RNF216: variants seen among roughly 807,000 people sequenced by gnomAD.
RNF216 encodes E3 ubiquitin-protein ligase RNF216.
In RNF216, 72 loss-of-function variants were observed where a neutral mutation model predicts 110.8. The observed-to-expected ratio is 0.65, with a 90% CI of 0.54 to 0.79. RNF216 has a LOEUF of 0.79. Among genes scored for constraint, RNF216 ranks in the 30% least tolerant of loss-of-function variants. The pLI is 0.00. For synonymous variants in RNF216, 495 were observed against 407.5 expected, an observed-to-expected ratio of 1.21 and a Z score of -2.59; for missense variants, 1,342 against 1,141.2, an observed-to-expected ratio of 1.18 and a Z score of -2.54.
At chr7:5,633,847 A>G (rs560754398) in intron 15 of RNF216, among the ~76,000 whole-genome samples, 1 of 152,318 alleles carries the variant, frequency 6.6e-6, no homozygotes, top group South Asian at 2.1e-4. Flanking sequence ...AGAATTTACC[A>G]GAGAGGTTTT....
chr7:5,780,173 T>C (rs1434934874), intron 1 of RNF216: 1 of 152,178 alleles, frequency 6.6e-6, no homozygotes, highest in Non-Finnish European at 1.5e-5. Flanking sequence ...AGATAGTTTT[T>C]AGCATTCCTG....
chr7:5,747,421 C>G (rs1339864406), intron 3 of RNF216, among the ~76,000 whole-genome samples: 2 of 152,190 alleles, frequency 1.3e-5, no homozygotes, highest in Admixed American at 1.3e-4. Flanking sequence ...TATTCAGGAC[C>G]TGACAAGTAC....
At chr7:5,742,046 A>T (rs1177918099) in intron 3 of RNF216, among the ~76,000 whole-genome samples, 5 of 152,126 alleles carry the variant, frequency 3.3e-5, no homozygotes, top group Non-Finnish European at 7.4e-5. Flanking sequence ...AGTTTGAATT[A>T]TAATTTATTT....
rs1384968970 is a variant in RNF216 at position 5,620,175 on chromosome 7, GAACTA to G, written c.*2680_*2684del. On this transcript the variant is annotated 3_prime_UTR_variant, in exon 17 of 17. Transcript: ENST00000389902. Reference sequence around the variant, plus strand: ...CCAGAAGGTAAAGAAAAAGTTTAATGAACTAATCGTTTCTTGTTTTTATACAAAGT... The same window carrying G: ...CCAGAAGGTAAAGAAAAAGTTTAATGATCGTTTCTTGTTTTTATACAAAGT... The G allele has an allele frequency of 6.6e-6, 1 of 152,246 alleles. No individual in the cohort carries two copies. The highest frequency in any genetic ancestry group is 2.4e-5 in the African/African-American group (1 of 41,468). The allele number at this position is 152,246 out of a possible 1,614,324, so 9.4% of individuals were successfully genotyped here.
At chr7:5,625,321 G>A (rs1319518490) in intron 15 of RNF216, among the ~76,000 whole-genome samples, 1 of 152,248 alleles carries the variant, frequency 6.6e-6, no homozygotes, top group Non-Finnish European at 1.5e-5. Flanking sequence ...GGATTAGCAA[G>A]TCCCAACAAT....
chr7:5,747,058 T>G (rs1795064370), intron 3 of RNF216, among the ~76,000 whole-genome samples: 2 of 152,168 alleles, frequency 1.3e-5, no homozygotes, highest in Non-Finnish European at 2.9e-5. Flanking sequence ...CTGCTCCCAT[T>G]TTACCTGAAT....
intron 13 of RNF216, among the ~76,000 whole-genome samples, chr7:5,698,266 T>G (rs1452965879): frequency 6.6e-6 from 1 of 152,164 alleles, no homozygotes; most frequent in Non-Finnish European, 1.5e-5. Context: ...GCAGTTGTAC[T>G]GGAGCAAGGA....
At position 5,622,804 on chromosome 7, in the gene RNF216, C is replaced by A; in HGVS notation, c.*56G>T. The A allele has an allele frequency of 6.7e-7, 1 of 1,488,250 alleles. No homozygotes were observed. The highest frequency in any genetic ancestry group is 9.1e-7 in the Non-Finnish European group (1 of 1,098,630). The allele number at this position is 1,488,250 out of a possible 1,614,324, so 92.2% of individuals were successfully genotyped here. On this transcript the variant is annotated 3_prime_UTR_variant, in exon 17 of 17. Coordinates refer to ENST00000389902, the MANE Select transcript of RNF216 (RefSeq NM_207111.4). Reference sequence around the variant, plus strand: ...ACACCAGCCTTGGGGGAGGGTTCTCCATCCACACTCCTACCCCAAACGGGC... The same window carrying A: ...ACACCAGCCTTGGGGGAGGGTTCTCAATCCACACTCCTACCCCAAACGGGC...
At chr7:5,655,837 G>A (rs778114618) in intron 13 of RNF216, among the ~76,000 whole-genome samples, 1 of 151,704 alleles carries the variant, frequency 6.6e-6, no homozygotes. Context: ...AAATGCTTAC[G>A]CATATTACGA....
chr7:5,729,279 G>A (rs369010110), intron 7 of RNF216, among the ~76,000 whole-genome samples, 153 bp downstream of exon 7: 1 of 152,116 alleles, frequency 6.6e-6, no homozygotes, highest in South Asian at 2.1e-4. Context: ...AGTCCGTCAC[G>A]ATGAGCAAAT....
intron 13 of RNF216, among the ~76,000 whole-genome samples, chr7:5,664,150 G>A (rs1377212057): frequency 6.6e-6 from 1 of 152,132 alleles, no homozygotes; most frequent in Non-Finnish European, 1.5e-5. Context: ...CATGCAGAGA[G>A]TTGTTTTTTT....
chr7:5,746,280 G>A (rs1409855564), intron 3 of RNF216, among the ~76,000 whole-genome samples: 4 of 152,258 alleles, frequency 2.6e-5, no homozygotes, highest in African/African-American at 9.6e-5. Flanking sequence ...CTGGGCTATG[G>A]CAGGGCACAG....
At chr7:5,738,283 G>C (rs1405296936) in intron 5 of RNF216, among the ~76,000 whole-genome samples, 2 of 152,064 alleles carry the variant, frequency 1.3e-5, no homozygotes, top group Admixed American at 6.6e-5. Flanking sequence ...CTGGAGTGCA[G>C]TAGCGTAACA....
intron 8 of RNF216, among the ~76,000 whole-genome samples, chr7:5,724,880 A>G (rs962402092): frequency 2.0e-5 from 3 of 152,180 alleles, no homozygotes; most frequent in Non-Finnish European, 4.4e-5. Context: ...CAGTTATTTC[A>G]TCAATAAGAA....
intron 7 of RNF216, 117 bp downstream of exon 7, chr7:5,729,315 T>C: frequency 1.1e-6 from 1 of 948,084 alleles, no homozygotes; most frequent in Non-Finnish European, 1.6e-6. Context: ...TTCACCCTAA[T>C]AAATTCCTTA....
Position 5,641,242 on chromosome 7 carries a change from T to C in RNF216, c.2294A>G (p.Asn765Ser). 1 of 1,614,166 alleles carries C rather than the reference T, an allele frequency of 6.2e-7. No homozygotes were observed. Among genetic ancestry groups the C allele is most frequent in the Non-Finnish European group, 8.5e-7 (1 of 1,180,036 alleles). ...ATGTTGGCAGAAATGGTCATATCCA[T>C]TAATAGAAACTCGACAGAGGTAGCA... ...QMCYLCRVSINGYDHFCQHPR... is the reference protein window; with the variant it reads ...QMCYLCRVSISGYDHFCQHPR... The change falls in exon 15 of 17, where the codon AAT becomes AGT. Residue 765 changes from asparagine to serine, a missense_variant. Transcript: ENST00000389902.
Position 5,741,039 on chromosome 7 carries a change from T to C in RNF216, c.978A>G (p.Glu326=), listed in dbSNP as rs1157555320. The change falls in exon 4 of 17, where the codon GAA becomes GAG. Residue 326 remains glutamate (E), a synonymous_variant. Coordinates refer to ENST00000389902, the MANE Select transcript of RNF216 (RefSeq NM_207111.4). The part of the protein sequence containing the change: ...PMQESQEPNL[E]NIWGQEAAEV... ...CTGCAGCTTCTTGCCCCCAAATGTT[T>C]TCCAAATTGGGCTCTTGAGATTCTT... 13 of 1,613,938 alleles carry C rather than the reference T, an allele frequency of 8.1e-6. No homozygotes were observed. The highest frequency in any genetic ancestry group is 1.1e-5 in the Non-Finnish European group (13 of 1,179,998).
chr7:5,747,598 G>A (rs1181283013), intron 3 of RNF216, among the ~76,000 whole-genome samples: 1 of 151,682 alleles, frequency 6.6e-6, no homozygotes, highest in South Asian at 2.1e-4. Context: ...AAAAATTAGA[G>A]ACAAAGGTCA....
intron 15 of RNF216, among the ~76,000 whole-genome samples, chr7:5,634,567 G>A (rs1159641142): frequency 6.6e-6 from 1 of 152,238 alleles, no homozygotes; most frequent in Non-Finnish European, 1.5e-5. Context: ...CAGGGAGGCA[G>A]GACAGTGTGC....
Sources: gnomAD v4.1 joint callset for allele counts (sites outside exome capture counted in the v4.1 genomes callset) on GRCh38, gnomAD v4.1.1 for gene constraint, MANE v1.5 for transcripts, NCBI Gene and HGNC (gene_info 2026-07-23, HGNC 2026-07-21) for gene names.